CCDC3: variants seen among roughly 807,000 people sequenced by gnomAD.
The protein encoded by CCDC3 is coiled-coil domain-containing protein 3.
In CCDC3, 24 loss-of-function variants were observed where a neutral mutation model predicts 21.4. That is an observed-to-expected ratio of 1.12 (90% CI 0.81 to 1.58). The LOEUF (loss-of-function observed/expected upper bound fraction) is 1.58, where lower values mean the gene tolerates loss of function less well. Ranked by LOEUF, CCDC3 falls within the 40% of genes most tolerant of loss-of-function variation. The probability of loss-of-function intolerance (pLI) is 0.00; values close to 1 mark genes in which losing one functional copy is unlikely to be tolerated. For missense variants in CCDC3, 425 were observed against 360.9 expected (o/e 1.18, Z -1.44); for synonymous variants, 186 against 166.0 (o/e 1.12, Z -0.93).
intron 2 of CCDC3, among the ~76,000 whole-genome samples, chr10:12,954,641 A>C (rs112333734): frequency 6.6e-6 from 1 of 152,204 alleles, no homozygotes; most frequent in Non-Finnish European, 1.5e-5. Context: ...ACCAGCTTTC[A>C]TAGGAACTTA....
chr10:12,955,100 T>C (rs1835063431), intron 2 of CCDC3, among the ~76,000 whole-genome samples: 1 of 152,228 alleles, frequency 6.6e-6, no homozygotes, highest in Non-Finnish European at 1.5e-5. Context: ...TAATCATTTA[T>C]TTTTAAAATG....
At chr10:13,096,510 G>A (rs755960298) in intron 3 of CCDC3, among the ~76,000 whole-genome samples, 2 of 152,096 alleles carry the variant, frequency 1.3e-5, no homozygotes, top group East Asian at 1.9e-4. Context: ...AGGGGTGTAC[G>A]GAAACCTATT....
At chr10:12,921,072 T>C (rs1834443951) in intron 2 of CCDC3, among the ~76,000 whole-genome samples, 1 of 152,050 alleles carries the variant, frequency 6.6e-6, no homozygotes, top group African/African-American at 2.4e-5. Context: ...AGCTACATAT[T>C]ATGATATTTG....
At chr10:12,966,982 T>C (rs1416693567) in intron 2 of CCDC3, among the ~76,000 whole-genome samples, 2 of 152,198 alleles carry the variant, frequency 1.3e-5, no homozygotes, top group African/African-American at 4.8e-5. Context: ...ACAGCCTGTA[T>C]CATCTTCCAG....
intron 2 of CCDC3, among the ~76,000 whole-genome samples, chr10:12,939,526 G>T (rs1044977793): frequency 3.9e-5 from 6 of 152,146 alleles, no homozygotes; most frequent in African/African-American, 1.2e-4. Context: ...GGGAGGCTGA[G>T]GGGGGATGAT....
At chr10:13,058,603 T>C (rs751471937) in intron 4 of CCDC3, 2 of 627,372 alleles carry the variant, frequency 3.2e-6, no homozygotes, top group Non-Finnish European at 5.8e-6. Flanking sequence ...CGTTTTACCC[T>C]CTCGTCGTCT....
chr10:12,918,782 G>T (rs531273796), intron 2 of CCDC3, among the ~76,000 whole-genome samples: 3 of 152,228 alleles, frequency 2.0e-5, no homozygotes, highest in Non-Finnish European at 4.4e-5. Flanking sequence ...GGCCGGGCAC[G>T]GTGGCTCATG....
At chr10:13,007,918 G>A (rs73585972) in intron 5 of CCDC3, among the ~76,000 whole-genome samples, 1 of 152,304 alleles carries the variant, frequency 6.6e-6, no homozygotes, top group African/African-American at 2.4e-5. Flanking sequence ...GATAAGAGAT[G>A]GAAGAGACAT....
intron 5 of CCDC3, among the ~76,000 whole-genome samples, chr10:13,030,814 AC>A (rs765410631): frequency 1.4e-4 from 21 of 152,224 alleles, no homozygotes; most frequent in Admixed American, 5.9e-4. Flanking sequence ...ATATATATGC[AC>A]CCAATACAGG....
At chr10:12,906,227 T>A (rs576801239) in intron 2 of CCDC3, among the ~76,000 whole-genome samples, 3 of 152,250 alleles carry the variant, frequency 2.0e-5, no homozygotes, top group Non-Finnish European at 1.5e-5. Flanking sequence ...CTGAGGACTG[T>A]CTGGAGGGAC....
chr10:12,905,830 C>G lies in CCDC3; in HGVS notation c.550-7151G>C, dbSNP rs532124985. Among the ~76,000 whole-genome samples the G allele has an allele frequency of 2.0e-5, 3 of 152,318 alleles. No individual in the cohort carries two copies. In the East Asian group the frequency reaches 5.8e-4, roughly 29 times the overall value. On this transcript the variant is annotated intron_variant, in intron 2 of 2. Transcript: ENST00000378825. The stretch of plus-strand genomic sequence containing the variant: ...AACTGTCAGTGTGGATAAGGGTCTG[C>G]AGGGGATTGCTCTAGTCCCGCAGTT...
At chr10:13,033,262 T>C (rs1589046030) in intron 5 of CCDC3, among the ~76,000 whole-genome samples, 1 of 152,268 alleles carries the variant, frequency 6.6e-6, no homozygotes. Context: ...ATTTAATAAA[T>C]GGTGCTGGGA....
At chr10:13,089,610 A>G (rs1837154203) in intron 3 of CCDC3, among the ~76,000 whole-genome samples, 1 of 151,342 alleles carries the variant, frequency 6.6e-6, no homozygotes, top group Non-Finnish European at 1.5e-5. Flanking sequence ...CCAACTTTTT[A>G]TTTTCTTTCA....
chr10:12,937,281 C>T (rs1018795897), intron 2 of CCDC3, among the ~76,000 whole-genome samples: 1 of 152,084 alleles, frequency 6.6e-6, no homozygotes, highest in Non-Finnish European at 1.5e-5. Context: ...CTTCTCAGCC[C>T]CTTACAGGCT....
intron 4 of CCDC3, among the ~76,000 whole-genome samples, chr10:13,050,408 G>A (rs1365008949): frequency 6.6e-6 from 1 of 152,032 alleles, no homozygotes; most frequent in South Asian, 2.1e-4. Context: ...CCAGGGCTGG[G>A]CCTAGGCTTA....
rs529623249 is a variant in CCDC3, at chr10:12,978,736, C to G, written c.549+19602G>C. ...CCTGAAAACTGGGGAATCCACCCTT[C>G]TCTCTAGCCTCAGAATAAGGAAATG... On this transcript the variant is annotated intron_variant, in intron 2 of 2. Coordinates refer to ENST00000378825, the MANE Select transcript of CCDC3 (RefSeq NM_031455.4). Among the ~76,000 whole-genome samples the G allele has an allele frequency of 2.0e-5, 3 of 152,296 alleles. No individual in the cohort carries two copies. The East Asian group carries it at 5.8e-4, about 29-fold the overall frequency.
At chr10:13,064,381 A>T (rs925299374) in intron 4 of CCDC3, among the ~76,000 whole-genome samples, 58 of 152,138 alleles carry the variant, frequency 3.8e-4, no homozygotes, top group African/African-American at 1.4e-3. Context: ...AATTACATAA[A>T]ATTTCTTTCA....
chr10:12,901,166 A>G (rs1834086536), intron 2 of CCDC3, among the ~76,000 whole-genome samples: 1 of 152,222 alleles, frequency 6.6e-6, no homozygotes, highest in African/African-American at 2.4e-5. Context: ...AGACTGGATC[A>G]CAGGCTGATG....
intron 2 of CCDC3, among the ~76,000 whole-genome samples, chr10:12,932,915 T>G (rs995881934): frequency 6.6e-6 from 1 of 152,238 alleles, no homozygotes; most frequent in South Asian, 2.1e-4. Context: ...TCTATTGATA[T>G]GATCATGTGA....
Sources: gnomAD v4.1 joint callset for allele counts (sites outside exome capture counted in the v4.1 genomes callset) on GRCh38, gnomAD v4.1.1 for gene constraint, MANE v1.5 for transcripts, NCBI Gene and HGNC (gene_info 2026-07-23, HGNC 2026-07-21) for gene names.